TRAK1: variants seen among roughly 807,000 people sequenced by gnomAD.
TRAK1 encodes the protein trafficking kinesin protein 1, also known as trafficking kinesin-binding protein 1.
TRAK1 carries 33 observed loss-of-function variants against 92.1 expected under a neutral mutation model. That is an observed-to-expected ratio of 0.36 (90% CI 0.27 to 0.48). The LOEUF (loss-of-function observed/expected upper bound fraction) is 0.48, where lower values mean the gene tolerates loss of function less well. Among genes scored for constraint, TRAK1 ranks in the 20% least tolerant of loss-of-function variants. TRAK1 has a pLI of 0.99. For missense variants in TRAK1, 1,123 were observed against 1,257.9 expected, an observed-to-expected ratio of 0.89 and a Z score of 1.62; for synonymous variants, 521 against 517.3, an observed-to-expected ratio of 1.01 and a Z score of -0.10.
chr3:42,200,358 A>G (rs114414007), intron 11 of TRAK1, among the ~76,000 whole-genome samples: 3 of 152,356 alleles, frequency 2.0e-5, no homozygotes, highest in Admixed American at 1.3e-4. Context: ...ACTAACTTGA[A>G]GTCTTCCTTT....
chr3:42,102,167 G>A (rs1428686969), intron 1 of TRAK1, among the ~76,000 whole-genome samples: 3 of 152,122 alleles, frequency 2.0e-5, no homozygotes, highest in African/African-American at 7.2e-5. Flanking sequence ...TGTATTTTTA[G>A]TAGAGACGGG....
At chr3:42,109,869 G>A (rs1576398454) in intron 1 of TRAK1, among the ~76,000 whole-genome samples, 3 of 151,552 alleles carry the variant, frequency 2.0e-5, no homozygotes, top group Non-Finnish European at 4.4e-5. Flanking sequence ...ACCAAACACC[G>A]CATTTTCTCA....
At chr3:42,086,311 C>CTTTTTTTT (rs750932535), upstream of TRAK1, among the ~76,000 whole-genome samples, 748 of 140,426 alleles carry the variant, frequency 5.3e-3, 21 homozygotes, top group African/African-American at 0.019. Flanking sequence ...CTTTTTCTTT[C>CTTTTTTTT]TTTTTTTTTT....
At chr3:42,046,540 C>T (rs2148908332) in intron 1 of TRAK1, among the ~76,000 whole-genome samples, 1 of 152,238 alleles carries the variant, frequency 6.6e-6, no homozygotes, top group Admixed American at 6.5e-5. Context: ...TTTATTGGCT[C>T]ATCTAACAAG....
intron 1 of TRAK1, among the ~76,000 whole-genome samples, chr3:42,120,410 C>G (rs1435531971): frequency 6.6e-6 from 1 of 151,078 alleles, no homozygotes; most frequent in African/African-American, 2.4e-5. Flanking sequence ...TAAAGGGTTC[C>G]TTTCCTCCAT....
chr3:42,060,915 G>A (rs1319025464), intron 1 of TRAK1, among the ~76,000 whole-genome samples: 2 of 152,056 alleles, frequency 1.3e-5, no homozygotes, highest in Non-Finnish European at 2.9e-5. Flanking sequence ...ACAGGCATGA[G>A]CCACCGCGCC....
At position 42,191,624 on chromosome 3, in the gene TRAK1, G is replaced by A. The variant is rs751771575; in HGVS notation, c.757G>A (p.Val253Met). 6.2e-6 allele frequency: 10 copies of A among 1,601,862 alleles called. No individual in the cohort carries two copies. The highest frequency in any genetic ancestry group is 1.3e-5 in the African/African-American group (1 of 74,812). The change falls in exon 7 of 16, where the codon GTG becomes ATG. Residue 253 changes from valine (V) to methionine (M), a missense_variant. Coordinates refer to ENST00000327628, the MANE Select transcript of TRAK1 (RefSeq NM_001042646.3). Reference sequence around the variant, plus strand: ...GGAGCAGCAGCTGGTCAATGACTGCGTGAAGGAGCTGAGTATGTCCCCGCA... The same window carrying A: ...GGAGCAGCAGCTGGTCAATGACTGCATGAAGGAGCTGAGTATGTCCCCGCA... ...EKEQQLVNDC[V>M]KELRDANVQI...
At chr3:42,145,992 T>G in intron 2 of TRAK1, 1 of 345,096 alleles carries the variant, frequency 2.9e-6, no homozygotes, top group South Asian at 2.6e-5. Context: ...GCTGCAACAG[T>G]ACAATGAAAT....
intron 10 of TRAK1, among the ~76,000 whole-genome samples, chr3:42,198,046 A>G (rs553338575): frequency 1.3e-5 from 2 of 152,350 alleles, no homozygotes; most frequent in East Asian, 3.9e-4. Flanking sequence ...GGATGCGTCC[A>G]TCATCACAGG....
intron 2 of TRAK1, among the ~76,000 whole-genome samples, chr3:42,130,117 C>T (rs919555584): frequency 6.6e-6 from 1 of 152,086 alleles, no homozygotes; most frequent in Non-Finnish European, 1.5e-5. Flanking sequence ...CACCTCCATC[C>T]TGTGGCTTGT....
intron 14 of TRAK1, chr3:42,217,129 T>C: frequency 4.2e-6 from 1 of 237,616 alleles, no homozygotes; most frequent in South Asian, 1.6e-4. Context: ...GAACTTGCTC[T>C]CTTCCTGCAC....
Position 42,013,832 on chromosome 3 carries a change from C to T in TRAK1, c.-804C>T, listed in dbSNP as rs1402369374. On this transcript the variant is annotated 5_prime_UTR_variant, in exon 1 of 17. Transcript: ENST00000487159. This position sits in a 1 kb window ranked among gnomAD's most constrained non-coding sequence, Gnocchi z 5.1. ...GGGGCCGCGCGCGGGAGAGCCGGAGCGCAGCCTTAGCGTCCCCGAGAGTCT... is the reference window on the plus strand; with the variant it reads ...GGGGCCGCGCGCGGGAGAGCCGGAGTGCAGCCTTAGCGTCCCCGAGAGTCT... 5 of 150,432 alleles carry T rather than the reference C, an allele frequency of 3.3e-5. No homozygotes were observed. The highest frequency in any genetic ancestry group is 7.4e-5 in the Non-Finnish European group (5 of 67,176). The allele number at this position is 150,432 out of a possible 1,614,324, so 9.3% of individuals were successfully genotyped here.
chr3:42,166,923 C>G (rs762339134), intron 2 of TRAK1, among the ~76,000 whole-genome samples: 9 of 152,350 alleles, frequency 5.9e-5, no homozygotes, highest in Middle Eastern at 3.4e-3. Context: ...CTGGGTCGGT[C>G]TCTGCCCCCA....
At position 42,091,395 on chromosome 3, in the gene TRAK1, G is replaced by A. The variant is rs540840655; in HGVS notation, c.-75G>A. Reference sequence around the variant, plus strand: ...GGAAGGCACGGGAGGGTGGCTGTGCGAGGTACTGCCGGGGCTGAGCTCTCA... The same window carrying A: ...GGAAGGCACGGGAGGGTGGCTGTGCAAGGTACTGCCGGGGCTGAGCTCTCA... On this transcript the variant is annotated 5_prime_UTR_variant, in exon 1 of 16. Transcript: ENST00000327628. 48 of 1,368,144 alleles carry A rather than the reference G, an allele frequency of 3.5e-5. No individual in the cohort carries two copies. The highest frequency in any genetic ancestry group is 4.8e-5 in the Non-Finnish European group (47 of 978,024). The allele number at this position is 1,368,144 out of a possible 1,614,324, so 84.8% of individuals were successfully genotyped here.
In TRAK1 at chr3:42,023,169, A is replaced by AAC. The variant is rs1160230566; in HGVS notation, c.-519+9053_-519+9054insCA. Among the ~76,000 whole-genome samples, 44 of 151,542 alleles carry AAC rather than the reference A, an allele frequency of 2.9e-4. 1 individual carries two copies. The highest frequency in any genetic ancestry group is 1.5e-4 in the Non-Finnish European group (10 of 67,874). On this transcript the variant is annotated intron_variant, in intron 1 of 16. Transcript: ENST00000487159. ...CGAGACTGCATCTCAAAAAAAAAAA[A>AAC]AAAAACAACAAAAAGAAAATAAATA...
At chr3:42,185,883 A>C (rs1449840463) in intron 4 of TRAK1, among the ~76,000 whole-genome samples, 6 of 150,340 alleles carry the variant, frequency 4.0e-5, no homozygotes, top group African/African-American at 1.5e-4. Flanking sequence ...CACGTTGGCC[A>C]GGTTGGTCTC....
chr3:42,068,313 C>T (rs909277560), intron 1 of TRAK1, among the ~76,000 whole-genome samples: 3 of 152,138 alleles, frequency 2.0e-5, no homozygotes, highest in Non-Finnish European at 2.9e-5. Context: ...TGTGCCACCA[C>T]GTCCAGCTAA....
chr3:42,144,250 TC>T (rs1043503686), intron 2 of TRAK1, among the ~76,000 whole-genome samples: 3 of 140,890 alleles, frequency 2.1e-5, no homozygotes, highest in Middle Eastern at 3.6e-3. Flanking sequence ...ATTGTTCATT[TC>T]CTGGCTTATT....
intron 14 of TRAK1, among the ~76,000 whole-genome samples, chr3:42,215,095 G>C (rs770303822): frequency 2.0e-5 from 3 of 152,190 alleles, no homozygotes; most frequent in Non-Finnish European, 2.9e-5. Flanking sequence ...TATTTATGCA[G>C]CTTTTCCCAC....
Sources: allele counts gnomAD v4.1 joint callset (sites outside exome capture counted in the v4.1 genomes callset), GRCh38; gene constraint gnomAD v4.1.1; non-coding constraint Gnocchi (gnomAD v3.1); transcripts MANE v1.5; gene names NCBI Gene and HGNC (gene_info 2026-07-23, HGNC 2026-07-21).